Variants in DENND1A observed in about 807,000 individuals in gnomAD.
DENND1A encodes DENN domain-containing protein 1A.
In DENND1A, 51 loss-of-function variants were observed where a neutral mutation model predicts 113.7. That is an observed-to-expected ratio of 0.45 (90% confidence interval 0.36 to 0.57). DENND1A has a LOEUF of 0.57. Ranked by LOEUF, DENND1A falls within the 20% of genes least tolerant of loss-of-function variation. The pLI, the probability that DENND1A is intolerant of heterozygous loss-of-function variation, is 0.00. For missense variants in DENND1A, 1,258 were observed against 1,395.9 expected (o/e 0.90, Z 1.57); for synonymous variants, 565 against 570.8 (o/e 0.99, Z 0.14).
In DENND1A at chr9:123,519,241, G is replaced by A. The variant is rs997759916; in HGVS notation, c.993+38329C>T. On this transcript the variant is annotated intron_variant, in intron 13 of 23. Transcript: ENST00000394215. ...TCGGTCTGTCTCCTTGTTTACTATT[G>A]TATTTCCCTACAGTGTAAGCTCCTT... is the stretch of plus-strand genomic sequence containing the variant. Among the ~76,000 whole-genome samples, 4 of 152,134 alleles carry A rather than the reference G, an allele frequency of 2.6e-5. No homozygotes were observed. The South Asian group carries it at 8.3e-4, about 31-fold the overall frequency.
intron 13 of DENND1A, among the ~76,000 whole-genome samples, chr9:123,521,186 G>A (rs990576240): frequency 2.0e-5 from 3 of 152,136 alleles, no homozygotes; most frequent in Admixed American, 1.3e-4. Context: ...TGCCTTTAGG[G>A]GCCAGTGCAC....
chr9:123,585,681 C>T lies in DENND1A; in HGVS notation c.766-2411G>A, dbSNP rs548059501. Among the ~76,000 whole-genome samples, 6 of 152,352 alleles carry T rather than the reference C, an allele frequency of 3.9e-5. No individual in the cohort carries two copies. In the East Asian group the frequency reaches 5.8e-4, roughly 15 times the overall value. ...ACTGATGTCACACTTCAGGCTCACA[C>T]AGCACTGCCACACAGATGCCTTCAT... On this transcript the variant is annotated intron_variant, in intron 11 of 23. Coordinates refer to ENST00000394215, the MANE Select transcript of DENND1A (RefSeq NM_001352964.2).
At chr9:123,395,795 T>A (rs2131147427) in intron 21 of DENND1A, among the ~76,000 whole-genome samples, 1 of 152,258 alleles carries the variant, frequency 6.6e-6, no homozygotes, top group Admixed American at 6.5e-5. Flanking sequence ...TTTACCTGTT[T>A]GTGGTTGTTA....
At chr9:123,383,576 C>T in intron 23 of DENND1A, 79 bp downstream of exon 23, 2 of 1,542,964 alleles carry the variant, frequency 1.3e-6, no homozygotes, top group Non-Finnish European at 1.7e-6. Context: ...TTAGTCTCTT[C>T]CACTGTCACA....
chr9:123,435,302 A>G (rs1431330146), intron 19 of DENND1A, among the ~76,000 whole-genome samples: 2 of 152,144 alleles, frequency 1.3e-5, no homozygotes, highest in East Asian at 3.9e-4. Flanking sequence ...CCAGCCTAGC[A>G]TGGGATTGGC....
chr9:123,671,442 T>C (rs1051715466), intron 6 of DENND1A, 71 bp from the exon 7 acceptor site: 1 of 1,439,162 alleles, frequency 6.9e-7, no homozygotes, highest in Non-Finnish European at 9.7e-7. Flanking sequence ...CAGGGAGGTC[T>C]GGGCACACAT....
At chr9:123,789,509 C>A (rs1246716761) in intron 3 of DENND1A, among the ~76,000 whole-genome samples, 11 of 151,992 alleles carry the variant, frequency 7.2e-5, no homozygotes, top group Admixed American at 7.2e-4. Context: ...TGCTTCTAAA[C>A]GAGAAGCAAA....
At chr9:123,623,342 C>T (rs2061044076) in intron 10 of DENND1A, among the ~76,000 whole-genome samples, 1 of 152,174 alleles carries the variant, frequency 6.6e-6, no homozygotes, top group Non-Finnish European at 1.5e-5. Context: ...CTAGGTGCCA[C>T]TTGACTAATA....
At chr9:123,474,146 C>T (rs140209268) in intron 13 of DENND1A, among the ~76,000 whole-genome samples, 12 of 152,030 alleles carry the variant, frequency 7.9e-5, no homozygotes, top group African/African-American at 2.9e-4. Context: ...AGGCATGCAC[C>T]ACCATGCCGA....
At chr9:123,746,905 T>C (rs537066770) in intron 5 of DENND1A, among the ~76,000 whole-genome samples, 1 of 152,296 alleles carries the variant, frequency 6.6e-6, no homozygotes, top group East Asian at 1.9e-4. Flanking sequence ...AAATTAAATT[T>C]TCTCCAAAGT....
chr9:123,382,396 ACCT>A lies in DENND1A; in HGVS notation c.2246_2248del (p.Glu749del), dbSNP rs768363617. On this transcript the variant is annotated inframe_deletion, in exon 24 of 24. Coordinates refer to ENST00000394215, the MANE Select transcript of DENND1A (RefSeq NM_001352964.2). ...GATGCTGCCCAGAGTAGGGGTGGGC[ACCT>A]CCTCCTTGTCACTGGGGTTCAGGAT... 1.3e-6 allele frequency: 2 copies of A among 1,598,718 alleles called. No individual in the cohort carries two copies. The highest frequency in any genetic ancestry group is 1.1e-5 in the South Asian group (1 of 88,414).
At chr9:123,740,609 TTC>T (rs1330494423) in intron 5 of DENND1A, among the ~76,000 whole-genome samples, 4 of 152,096 alleles carry the variant, frequency 2.6e-5, no homozygotes, top group Non-Finnish European at 5.9e-5. Context: ...AAAAAAAAAA[TTC>T]TCTGTTGCTA....
chr9:123,511,701 C>T (rs1442725220), intron 13 of DENND1A, among the ~76,000 whole-genome samples: 1 of 152,188 alleles, frequency 6.6e-6, no homozygotes, highest in Non-Finnish European at 1.5e-5. Context: ...ATTTGCACCC[C>T]CACCCACTTC....
At chr9:123,814,458 T>C (rs1034894692) in intron 2 of DENND1A, among the ~76,000 whole-genome samples, 1 of 152,160 alleles carries the variant, frequency 6.6e-6, no homozygotes, top group East Asian at 1.9e-4. Context: ...GCATATTTTA[T>C]ATATACTTAA....
intron 5 of DENND1A, among the ~76,000 whole-genome samples, chr9:123,709,776 A>T (rs1396101378): frequency 6.6e-6 from 1 of 152,224 alleles, no homozygotes; most frequent in African/African-American, 2.4e-5. Flanking sequence ...TGCAAAATAT[A>T]TGACAGTTTC....
At chr9:123,810,990 C>G (rs1410956457) in intron 2 of DENND1A, among the ~76,000 whole-genome samples, 1 of 151,898 alleles carries the variant, frequency 6.6e-6, no homozygotes, top group East Asian at 1.9e-4. Flanking sequence ...ATCCCCTGAC[C>G]TCAGGTGATG....
At chr9:123,584,248 G>T (rs1168018822) in intron 11 of DENND1A, among the ~76,000 whole-genome samples, 1 of 152,216 alleles carries the variant, frequency 6.6e-6, no homozygotes, top group East Asian at 1.9e-4. Flanking sequence ...ACATTTGGAT[G>T]TGAAAGACCT....
At chr9:123,445,813 G>A (rs1464482404) in intron 18 of DENND1A, among the ~76,000 whole-genome samples, 3 of 152,218 alleles carry the variant, frequency 2.0e-5, no homozygotes, top group Non-Finnish European at 2.9e-5. Flanking sequence ...TTTGCGGTGA[G>A]CTGAGATCAC....
At chr9:123,779,688 T>G (rs901070819) in intron 3 of DENND1A, among the ~76,000 whole-genome samples, 9 of 151,522 alleles carry the variant, frequency 5.9e-5, no homozygotes, top group Non-Finnish European at 1.2e-4. Context: ...TTGGTAGAGG[T>G]GGGGTTTTGC....
Sources: allele counts gnomAD v4.1 joint callset (sites outside exome capture counted in the v4.1 genomes callset), GRCh38; gene constraint gnomAD v4.1.1; transcripts MANE v1.5; gene names NCBI Gene and HGNC (gene_info 2026-07-23, HGNC 2026-07-21).